The following PTPRN2 variants were observed in gnomAD, a reference collection of about 807,000 sequenced individuals.
PTPRN2 encodes receptor-type tyrosine-protein phosphatase N2.
In PTPRN2, 74 loss-of-function variants were observed where a neutral mutation model predicts 118.8. That is an observed-to-expected ratio of 0.62 (90% CI 0.52 to 0.76). The LOEUF (loss-of-function observed/expected upper bound fraction) is 0.76, where lower values mean the gene tolerates loss of function less well. PTPRN2 is among the 30% of genes least tolerant of loss of function. The pLI is 0.00. For missense variants in PTPRN2, 1,481 were observed against 1,394.4 expected, an observed-to-expected ratio of 1.06 and a Z score of -0.99; for synonymous variants, 641 against 608.0, an observed-to-expected ratio of 1.05 and a Z score of -0.80.
intron 12 of PTPRN2, among the ~76,000 whole-genome samples, chr7:157,885,240 C>T (rs961166177): frequency 6.6e-6 from 1 of 152,218 alleles, no homozygotes; most frequent in Admixed American, 6.5e-5. Flanking sequence ...GAACGACAGC[C>T]CCCACCAGGG....
intron 3 of PTPRN2, among the ~76,000 whole-genome samples, chr7:158,277,552 C>T (rs1423782561): frequency 1.3e-5 from 2 of 152,202 alleles, no homozygotes; most frequent in Admixed American, 6.5e-5. Context: ...CCCAAGTCTC[C>T]TCCTCATCAC....
intron 12 of PTPRN2, among the ~76,000 whole-genome samples, chr7:157,889,053 T>C (rs1347448534): frequency 6.6e-6 from 1 of 152,124 alleles, no homozygotes; most frequent in Non-Finnish European, 1.5e-5. Context: ...GGTTTCAAAA[T>C]AAGAAGTCAG....
At chr7:158,404,314 C>A (rs532410440) in intron 2 of PTPRN2, among the ~76,000 whole-genome samples, 1 of 152,182 alleles carries the variant, frequency 6.6e-6, no homozygotes, top group Non-Finnish European at 1.5e-5. Context: ...GGAACACATG[C>A]GGACAGACTT....
intron 11 of PTPRN2, among the ~76,000 whole-genome samples, chr7:157,912,484 G>A (rs1798156283): frequency 6.6e-6 from 1 of 151,976 alleles, no homozygotes; most frequent in African/African-American, 2.4e-5. Context: ...TAAAGTTCCT[G>A]GTTTTAATAC....
intron 10 of PTPRN2, among the ~76,000 whole-genome samples, chr7:158,098,592 G>A (rs1203536096): frequency 2.6e-5 from 4 of 152,228 alleles, no homozygotes; most frequent in African/African-American, 9.6e-5. Flanking sequence ...GCTGCTCTGT[G>A]AAACCAGAGG....
chr7:158,459,489 C>A (rs1053697187), intron 2 of PTPRN2, among the ~76,000 whole-genome samples: 57 of 152,300 alleles, frequency 3.7e-4, no homozygotes, highest in South Asian at 4.1e-4. Context: ...CGGCTCTGCA[C>A]CACCCCTACC....
chr7:158,274,864 C>T (rs186783729), intron 3 of PTPRN2, among the ~76,000 whole-genome samples: 107 of 152,220 alleles, frequency 7.0e-4, no homozygotes, highest in African/African-American at 2.5e-3. Flanking sequence ...GAATTCATTC[C>T]GAATATTTAT....
At chr7:158,109,863 CT>C (rs1816068860) in intron 10 of PTPRN2, among the ~76,000 whole-genome samples, 3 of 151,470 alleles carry the variant, frequency 2.0e-5, no homozygotes, top group Admixed American at 6.6e-5. Flanking sequence ...GACGTCACCC[CT>C]ATGTGAAGGG....
chr7:157,710,588 C>T (rs868289131), intron 12 of PTPRN2, among the ~76,000 whole-genome samples: 2 of 151,058 alleles, frequency 1.3e-5, no homozygotes, highest in African/African-American at 4.9e-5. Flanking sequence ...AGGCCTGGGA[C>T]CCCAAGCCGC....
chr7:158,346,118 T>C (rs189247994), intron 2 of PTPRN2, among the ~76,000 whole-genome samples: 6 of 152,384 alleles, frequency 3.9e-5, no homozygotes, highest in Non-Finnish European at 8.8e-5. Flanking sequence ...ATCAAGCTAG[T>C]TAACATATCC....
At chr7:157,982,718 C>A (rs1385189661) in intron 11 of PTPRN2, among the ~76,000 whole-genome samples, 1 of 142,880 alleles carries the variant, frequency 7.0e-6, no homozygotes, top group African/African-American at 2.6e-5. Flanking sequence ...CGGGTTCCCC[C>A]CTAAACCCCG....
At chr7:158,225,837 G>C (rs936175145) in intron 3 of PTPRN2, among the ~76,000 whole-genome samples, 6 of 151,950 alleles carry the variant, frequency 3.9e-5, no homozygotes, top group Non-Finnish European at 7.4e-5. Context: ...AAGGGACTTG[G>C]GGCTGTGGCA....
intron 12 of PTPRN2, among the ~76,000 whole-genome samples, chr7:157,773,659 C>G (rs73165842): frequency 0.06 from 9,140 of 152,352 alleles, 357 homozygotes; most frequent in Middle Eastern, 0.15. Context: ...GGCCCAGTGC[C>G]TCCCTCTGTC....
At position 158,040,728 on chromosome 7, in the gene PTPRN2, T is replaced by TTTTC. The variant is rs1287083174; in HGVS notation, c.1723+40566_1723+40569dup. On this transcript the variant is annotated intron_variant, in intron 11 of 22. Transcript: ENST00000389418. Reference sequence around the variant, plus strand: ...GTCAGCAGTTGATCTGCCTTTCTTTTTTTCTTTCTTTTTTTTTTTTTTGAG... The same window carrying TTTTC: ...GTCAGCAGTTGATCTGCCTTTCTTTTTTTCTTTCTTTCTTTTTTTTTTTTTTGAG... Among the ~76,000 whole-genome samples the TTTTC allele has an allele frequency of 6.9e-4, 84 of 120,996 alleles. 1 individual carries two copies. The highest frequency in any genetic ancestry group is 2.6e-3 in the African/African-American group (82 of 31,512). The allele number at this position is 120,996 out of a possible 152,430, so 79.4% of individuals were successfully genotyped here. A position where few individuals can be genotyped will look rare whatever the true frequency, so the allele number is the denominator to read the frequency against.
At chr7:158,295,778 C>T (rs143163485) in intron 3 of PTPRN2, among the ~76,000 whole-genome samples, 5,503 of 151,662 alleles carry the variant, frequency 0.036, 173 homozygotes, top group Middle Eastern at 0.052. Flanking sequence ...TCTCCATCCG[C>T]ACGGTTCACC....
chr7:157,710,838 A>G lies in PTPRN2; in HGVS notation c.1789-27901T>C, dbSNP rs1243518405. ...CCGGAGGTTCCGGGGCAGCCGGGTT[A>G]CACGCGAGAGCCCCACGCGCCGGAG... On this transcript the variant is annotated intron_variant, in intron 12 of 22. Coordinates refer to ENST00000389418, the MANE Select transcript of PTPRN2 (RefSeq NM_002847.5). 6.7e-5 allele frequency among the ~76,000 whole-genome samples: 8 copies of G among 119,598 alleles called. No individual in the cohort carries two copies. In the East Asian group the frequency reaches 7.5e-4, roughly 11 times the overall value. The allele number at this position is 119,598 out of a possible 152,430, so 78.5% of individuals were successfully genotyped here.
At chr7:157,760,085 G>A (rs1012622638) in intron 12 of PTPRN2, among the ~76,000 whole-genome samples, 2 of 152,164 alleles carry the variant, frequency 1.3e-5, no homozygotes, top group Non-Finnish European at 2.9e-5. Context: ...TCCCCCCAAC[G>A]CCATATCGGC....
intron 10 of PTPRN2, among the ~76,000 whole-genome samples, chr7:158,081,718 T>C (rs1372004734): frequency 6.6e-6 from 1 of 152,208 alleles, no homozygotes; most frequent in Non-Finnish European, 1.5e-5. Context: ...ATTTTAGTCT[T>C]TGGTCCCCAA....
chr7:157,948,921 A>G (rs1333763873), intron 11 of PTPRN2, among the ~76,000 whole-genome samples: 1 of 152,164 alleles, frequency 6.6e-6, no homozygotes, highest in Non-Finnish European at 1.5e-5. Flanking sequence ...GTGAATTGAA[A>G]ATATAGTACT....
Sources: allele counts gnomAD v4.1 joint callset (sites outside exome capture counted in the v4.1 genomes callset), GRCh38; gene constraint gnomAD v4.1.1; transcripts MANE v1.5; gene names NCBI Gene and HGNC (gene_info 2026-07-23, HGNC 2026-07-21).